MPPED2: variants seen among roughly 807,000 people sequenced by gnomAD.
MPPED2 encodes the protein metallophosphoesterase domain containing 2.
MPPED2 carries 5 observed loss-of-function variants against 33.0 expected under a neutral mutation model. The observed-to-expected ratio is 0.15, with a 90% confidence interval of 0.08 to 0.32. The LOEUF is 0.32. Ranked by LOEUF, MPPED2 falls within the 10% of genes least tolerant of loss-of-function variation. MPPED2 has a pLI of 1.00. For missense variants in MPPED2, 275 were observed against 372.1 expected (o/e 0.74, Z 2.15); for synonymous variants, 136 against 141.9 (o/e 0.96, Z 0.29).
intron 2 of MPPED2, among the ~76,000 whole-genome samples, chr11:30,537,202 T>C (rs548364398): frequency 1.2e-4 from 18 of 152,160 alleles, no homozygotes; most frequent in African/African-American, 4.1e-4. Context: ...GCTTTAACTA[T>C]ATTAACTCTA....
At chr11:30,495,568 A>G (rs1194428165) in intron 3 of MPPED2, 47 bp from the exon 4 acceptor site, 5 of 1,378,818 alleles carry the variant, frequency 3.6e-6, no homozygotes, top group Admixed American at 1.7e-5. Flanking sequence ...ATTTCCCATC[A>G]CAAAGTACAA....
At chr11:30,532,750 T>C (rs1202244313) in intron 3 of MPPED2, among the ~76,000 whole-genome samples, 2 of 152,220 alleles carry the variant, frequency 1.3e-5, no homozygotes, top group Non-Finnish European at 2.9e-5. Flanking sequence ...TGTAGTGATA[T>C]CTGGTTTGAG....
chr11:30,463,566 C>T (rs548546), intron 4 of MPPED2, among the ~76,000 whole-genome samples: 5 of 152,118 alleles, frequency 3.3e-5, no homozygotes, highest in Non-Finnish European at 7.4e-5. Context: ...CTTAGTTCTG[C>T]GAAGTGGCTG....
chr11:30,543,653 G>C (rs1272804462), intron 2 of MPPED2, among the ~76,000 whole-genome samples: 2 of 152,096 alleles, frequency 1.3e-5, no homozygotes, highest in East Asian at 3.8e-4. Context: ...AAGTGAAATT[G>C]CAATTTACGA....
At chr11:30,485,473 G>GTTACACATAACATGT (rs1387731172) in intron 4 of MPPED2, among the ~76,000 whole-genome samples, 31 of 34,614 alleles carry the variant, frequency 9.0e-4, no homozygotes, top group South Asian at 2.4e-3. Flanking sequence ...TGTGTAACAA[G>GTTACACATAACATGT]GTAAATAAGT....
chr11:30,485,543 C>A (rs934729479), intron 4 of MPPED2, among the ~76,000 whole-genome samples: 2 of 98,296 alleles, frequency 2.0e-5, no homozygotes, highest in Non-Finnish European at 5.4e-5. Context: ...AAGGCCAAAC[C>A]CCGCGGAGCT....
rs766911185 is a variant in MPPED2, at chr11:30,536,140, G to A, written c.164C>T (p.Ala55Val). Residue 55 changes from alanine (A) to valine (V), a missense_variant, in exon 3 of 7, where the codon GCG becomes GTG. Transcript: ENST00000358117. ...DPIPYDTPKP[A>V]GHTRFVCISD... The stretch of plus-strand genomic sequence containing the variant: ...GATGCAGACAAACCGCGTGTGGCCC[G>A]CTGGTTTTGGAGTGTCATATGGGAT... The A allele has an allele frequency of 1.3e-5, 21 of 1,610,654 alleles. No individual in the cohort carries two copies. The South Asian group carries it at 1.8e-4, about 14-fold the overall frequency.
intron 4 of MPPED2, among the ~76,000 whole-genome samples, chr11:30,428,659 CT>C (rs1948947791): frequency 2.0e-5 from 3 of 152,194 alleles, no homozygotes; most frequent in Non-Finnish European, 4.4e-5. Context: ...ATTCCAGCTG[CT>C]TTCTACTTAG....
intron 3 of MPPED2, among the ~76,000 whole-genome samples, chr11:30,533,242 G>C (rs1045729371): frequency 6.6e-6 from 1 of 152,114 alleles, no homozygotes; most frequent in African/African-American, 2.4e-5. Context: ...GGGTAAAATG[G>C]GGATAACATT....
At chr11:30,402,778 C>T (rs1947926823) in intron 6 of MPPED2, among the ~76,000 whole-genome samples, 1 of 152,188 alleles carries the variant, frequency 6.6e-6, no homozygotes, top group Non-Finnish European at 1.5e-5. Flanking sequence ...GGATATCTCA[C>T]TTCTTTGGGA....
chr11:30,514,274 A>G (rs1353989691), intron 3 of MPPED2, among the ~76,000 whole-genome samples: 1 of 152,188 alleles, frequency 6.6e-6, no homozygotes, highest in African/African-American at 2.4e-5. Context: ...AAGTCTGTGG[A>G]TGGGCTTCAA....
At chr11:30,386,570 A>G (rs1947704591) in exon 7 of MPPED2, 1 of 396,454 alleles carries the variant, frequency 2.5e-6, no homozygotes, top group African/African-American at 2.1e-5. Flanking sequence ...GGATTCCTTT[A>G]TGGCAGCAAA....
chr11:30,398,424 T>G (rs1232282592), intron 6 of MPPED2, among the ~76,000 whole-genome samples: 2 of 152,118 alleles, frequency 1.3e-5, no homozygotes, highest in African/African-American at 4.8e-5. Flanking sequence ...GGTGAACACA[T>G]GACCTGGGGG....
chr11:30,529,416 T>C (rs1954387185), intron 3 of MPPED2, among the ~76,000 whole-genome samples: 1 of 152,196 alleles, frequency 6.6e-6, no homozygotes, highest in Non-Finnish European at 1.5e-5. Context: ...GAAAAAGTAT[T>C]TTAACCACAT....
At chr11:30,471,804 G>C (rs1464477922) in intron 4 of MPPED2, among the ~76,000 whole-genome samples, 1 of 152,180 alleles carries the variant, frequency 6.6e-6, no homozygotes, top group Non-Finnish European at 1.5e-5. Flanking sequence ...ACAGGAATAA[G>C]TTTCTACCAT....
At chr11:30,515,914 A>G (rs1408230083) in intron 3 of MPPED2, among the ~76,000 whole-genome samples, 1 of 151,860 alleles carries the variant, frequency 6.6e-6, no homozygotes, top group Non-Finnish European at 1.5e-5. Flanking sequence ...GACTCTAAAG[A>G]GTTAAAATAA....
chr11:30,457,163 A>C (rs984505934), intron 4 of MPPED2, among the ~76,000 whole-genome samples: 2 of 152,132 alleles, frequency 1.3e-5, no homozygotes, highest in African/African-American at 2.4e-5. Flanking sequence ...ATGCTTTGAG[A>C]ATGCACATCC....
chr11:30,399,544 AG>A (rs1947882547), intron 6 of MPPED2, among the ~76,000 whole-genome samples: 1 of 152,184 alleles, frequency 6.6e-6, no homozygotes, highest in African/African-American at 2.4e-5. Context: ...TCTTTGTAAA[AG>A]TCATTTTGCA....
intron 3 of MPPED2, among the ~76,000 whole-genome samples, chr11:30,498,574 C>T (rs1200305870): frequency 2.0e-5 from 3 of 150,612 alleles, no homozygotes; most frequent in Non-Finnish European, 4.4e-5. Flanking sequence ...AGAACGCTAC[C>T]AACCAACCAG....
Sources: gnomAD v4.1 joint callset for allele counts (sites outside exome capture counted in the v4.1 genomes callset) on GRCh38, gnomAD v4.1.1 for gene constraint, MANE v1.5 for transcripts, NCBI Gene and HGNC (gene_info 2026-07-23, HGNC 2026-07-21) for gene names.